Variants in RRN3 observed in about 807,000 individuals in gnomAD.
RRN3 encodes RNA polymerase I-specific transcription initiation factor RRN3.
Under a neutral mutation model 82.3 loss-of-function variants are expected in RRN3, and 38 were observed. The observed-to-expected ratio is 0.46, with a 90% CI of 0.36 to 0.61. The LOEUF (loss-of-function observed/expected upper bound fraction) is 0.61, where lower values mean the gene tolerates loss of function less well. Among genes scored for constraint, RRN3 ranks in the 20% least tolerant of loss-of-function variants. The pLI, the probability that RRN3 is intolerant of heterozygous loss-of-function variation, is 0.00. For missense variants in RRN3, 726 were observed against 793.1 expected, an observed-to-expected ratio of 0.92 and a Z score of 1.02; for synonymous variants, 284 against 284.3, an observed-to-expected ratio of 1.00 and a Z score of 0.01.
intron 3 of RRN3, among the ~76,000 whole-genome samples, chr16:15,087,233 A>C (rs1206008051): frequency 1.3e-5 from 2 of 152,212 alleles, no homozygotes; most frequent in Non-Finnish European, 2.9e-5. Flanking sequence ...GGATATTCAT[A>C]TGGAGTTATC....
chr16:15,066,369 A>T (rs1330619954), intron 15 of RRN3, among the ~76,000 whole-genome samples: 1 of 152,200 alleles, frequency 6.6e-6, no homozygotes, highest in African/African-American at 2.4e-5. Context: ...ACGGTGGCTC[A>T]CACCTGTAAT....
At chr16:15,089,072 G>A (rs1351541811) in intron 3 of RRN3, among the ~76,000 whole-genome samples, 2 of 152,116 alleles carry the variant, frequency 1.3e-5, no homozygotes, top group Non-Finnish European at 2.9e-5. Context: ...GGAGGCTGAG[G>A]CGGGTGGATC....
At chr16:15,084,452 A>C (rs779602032) in intron 7 of RRN3, among the ~76,000 whole-genome samples, 190 bp downstream of exon 7, 9 of 149,770 alleles carry the variant, frequency 6.0e-5, no homozygotes, top group Non-Finnish European at 1.3e-4. Flanking sequence ...ACTTTGAAAA[A>C]CAATTAAAGA....
At position 15,083,426 on chromosome 16, in the gene RRN3, G is replaced by A; in HGVS notation, c.666+87C>T. On this transcript the variant is annotated intron_variant, in intron 8 of 17. Coordinates refer to ENST00000198767, the MANE Select transcript of RRN3 (RefSeq NM_018427.5). Reference sequence around the variant, plus strand: ...AAAAGAAAAAGAAAAAGAAAGACTGGAAAAGAAAGAAAAAGACCTAATATC... The same window carrying A: ...AAAAGAAAAAGAAAAAGAAAGACTGAAAAAGAAAGAAAAAGACCTAATATC... The A allele has an allele frequency of 2.6e-6, 4 of 1,561,912 alleles. No homozygotes were observed. In the South Asian group the frequency reaches 3.6e-5, roughly 14 times the overall value.
rs1424823612 is a variant in RRN3, at chr16:15,074,819, C to G, written c.901G>C (p.Glu301Gln). ...ETEHETKAGP[E>Q]RLDQMVHPVA... ...GGATGCACCATCTGGTCGAGCCGTT[C>G]AGGACCAGCCTTTGTTTCATGTTCA... Residue 301 changes from glutamate to glutamine, a missense_variant, in exon 11 of 18, where the codon GAA (glutamate) becomes CAA (glutamine). Transcript: ENST00000198767. The G allele has an allele frequency of 1.2e-6, 2 of 1,613,720 alleles. No homozygotes were observed. The highest frequency in any genetic ancestry group is 1.7e-6 in the Non-Finnish European group (2 of 1,179,832).
intron 8 of RRN3, among the ~76,000 whole-genome samples, chr16:15,081,429 A>G (rs945859463): frequency 1.3e-5 from 2 of 152,160 alleles, no homozygotes; most frequent in Non-Finnish European, 2.9e-5. Context: ...GTGGGCATGA[A>G]GTGAAATCAT....
chr16:15,065,795 G>T (rs1359333565), intron 15 of RRN3, among the ~76,000 whole-genome samples: 1 of 152,096 alleles, frequency 6.6e-6, no homozygotes, highest in Non-Finnish European at 1.5e-5. Flanking sequence ...AGTTACTCAG[G>T]AGGAAATAGT....
At chr16:15,077,500 C>T (rs2045512081) in intron 9 of RRN3, among the ~76,000 whole-genome samples, 1 of 152,104 alleles carries the variant, frequency 6.6e-6, no homozygotes, top group African/African-American at 2.4e-5. Context: ...TCACCTCCCG[C>T]CATGATTCTG....
chr16:15,073,454 A>G (rs1225402701), intron 11 of RRN3, among the ~76,000 whole-genome samples: 1 of 152,150 alleles, frequency 6.6e-6, no homozygotes, highest in Non-Finnish European at 1.5e-5. Flanking sequence ...GACCGTGGCT[A>G]TTTAAAAAAA....
intron 3 of RRN3, among the ~76,000 whole-genome samples, chr16:15,089,672 C>A (rs1348221570): frequency 2.0e-5 from 3 of 147,486 alleles, no homozygotes; most frequent in Non-Finnish European, 4.5e-5. Flanking sequence ...TGGTGGCGGG[C>A]GAGTGTAGTC....
intron 8 of RRN3, among the ~76,000 whole-genome samples, chr16:15,080,611 TAG>T (rs2045658299): frequency 6.6e-6 from 1 of 152,256 alleles, no homozygotes; most frequent in East Asian, 1.9e-4. Context: ...TTTTTCCTTT[TAG>T]AGAGACATTT....
chr16:15,090,778 C>A (rs1289899292), intron 3 of RRN3, among the ~76,000 whole-genome samples: 1 of 151,936 alleles, frequency 6.6e-6, no homozygotes, highest in Admixed American at 6.6e-5. Context: ...CTCTTCAAAA[C>A]TGGGCAGTAA....
At chr16:15,089,601 C>CAGGAT (rs1459348486) in intron 3 of RRN3, among the ~76,000 whole-genome samples, 2 of 150,380 alleles carry the variant, frequency 1.3e-5, no homozygotes, top group African/African-American at 4.9e-5. Context: ...AAGATCGAGA[C>CAGGAT]CATCCTGGCT....
chr16:15,072,754 C>T (rs971942347), intron 12 of RRN3, among the ~76,000 whole-genome samples, 196 bp downstream of exon 12: 8 of 151,746 alleles, frequency 5.3e-5, no homozygotes, highest in African/African-American at 1.5e-4. Flanking sequence ...GGCAGCAGAG[C>T]GAGACTGTGT....
intron 12 of RRN3, 124 bp downstream of exon 12, chr16:15,072,826 C>G: frequency 4.2e-6 from 4 of 961,860 alleles, no homozygotes; most frequent in Non-Finnish European, 6.2e-6. Context: ...ATTAAGCAGA[C>G]TAGCAAGTAA....
At chr16:15,064,942 G>A (rs1283328371) in intron 16 of RRN3, among the ~76,000 whole-genome samples, 19 of 152,142 alleles carry the variant, frequency 1.2e-4, no homozygotes, top group Non-Finnish European at 2.1e-4. Context: ...CGAGGCGGGC[G>A]GATCACGAGG....
chr16:15,090,742 T>C (rs1162944987), intron 3 of RRN3, among the ~76,000 whole-genome samples: 1 of 152,220 alleles, frequency 6.6e-6, no homozygotes, highest in Non-Finnish European at 1.5e-5. Context: ...GCAATCTAAC[T>C]ACCACTGCCA....
chr16:15,068,053 G>A (rs1279606970), intron 15 of RRN3, 116 bp downstream of exon 15: 7 of 1,110,598 alleles, frequency 6.3e-6, no homozygotes, highest in African/African-American at 3.2e-5. Flanking sequence ...CAGCCACCAC[G>A]CCTGGCCTTT....
At chr16:15,085,596 G>T in intron 6 of RRN3, 43 bp downstream of exon 6, 1 of 1,600,210 alleles carries the variant, frequency 6.2e-7, no homozygotes, top group Non-Finnish European at 8.5e-7. Flanking sequence ...GGGATTATGG[G>T]TGAAAGCTAC....
Sources: gnomAD v4.1 joint callset for allele counts (sites outside exome capture counted in the v4.1 genomes callset) on GRCh38, gnomAD v4.1.1 for gene constraint, MANE v1.5 for transcripts, NCBI Gene and HGNC (gene_info 2026-07-23, HGNC 2026-07-21) for gene names.